ATP2B1: variants seen among roughly 807,000 people sequenced by gnomAD.
ATP2B1 encodes the protein ATPase plasma membrane Ca2+ transporting 1.
A neutral mutation model predicts 124.2 loss-of-function variants in ATP2B1; 14 were observed. That is an observed-to-expected ratio of 0.11 (90% CI 0.07 to 0.18). The LOEUF (loss-of-function observed/expected upper bound fraction) is 0.18. Among genes scored for constraint, ATP2B1 ranks in the 10% least tolerant of loss-of-function variants. The pLI, the probability that ATP2B1 is intolerant of heterozygous loss-of-function variation, is 1.00. For missense variants in ATP2B1, 763 were observed against 1,466.1 expected (o/e 0.52, Z 7.83); for synonymous variants, 449 against 492.4 (o/e 0.91, Z 1.17).
At position 89,601,314 on chromosome 12, in the gene ATP2B1, T is replaced by C; in HGVS notation, c.3168+12A>G. 2 of 1,526,326 alleles carry C rather than the reference T, an allele frequency of 1.3e-6. No individual in the cohort carries two copies. Among genetic ancestry groups the C allele is most frequent in the South Asian group, 2.5e-5 (2 of 79,880 alleles). The allele number at this position is 1,526,326 out of a possible 1,614,324, so 94.5% of individuals were successfully genotyped here. On this transcript the variant is annotated intron_variant, in intron 19 of 20. Coordinates refer to ENST00000428670, the MANE Select transcript of ATP2B1 (RefSeq NM_001366521.1). ...CACTTTAGGTTTAAACAAAAACTGA[T>C]GAAATTTTTACCTGGCCCCAGAGTA...
intron 6 of ATP2B1, among the ~76,000 whole-genome samples, chr12:89,629,521 A>G (rs1881507563): frequency 6.6e-6 from 1 of 152,240 alleles, no homozygotes; most frequent in Non-Finnish European, 1.5e-5. Flanking sequence ...ATCTGCGTCC[A>G]GAATTTTTCA....
chr12:89,666,575 C>A (rs748593429), intron 1 of ATP2B1, among the ~76,000 whole-genome samples: 8 of 152,156 alleles, frequency 5.3e-5, no homozygotes, highest in Non-Finnish European at 7.4e-5. Context: ...CAATGGTCAG[C>A]GACTCCAGTT....
At chr12:89,636,572 T>C (rs1882748268) in intron 3 of ATP2B1, among the ~76,000 whole-genome samples, 1 of 152,118 alleles carries the variant, frequency 6.6e-6, no homozygotes, top group Non-Finnish European at 1.5e-5. Context: ...AAGAAAAGAA[T>C]GAGTAAATAA....
chr12:89,627,284 C>G (rs1464453305), intron 7 of ATP2B1, among the ~76,000 whole-genome samples: 1 of 151,314 alleles, frequency 6.6e-6, no homozygotes, highest in Non-Finnish European at 1.5e-5. Context: ...ACAAAATTAC[C>G]ATCAGGCAAT....
At chr12:89,618,353 G>T (rs1480803098) in intron 11 of ATP2B1, among the ~76,000 whole-genome samples, 1 of 152,206 alleles carries the variant, frequency 6.6e-6, no homozygotes, top group African/African-American at 2.4e-5. Flanking sequence ...GTGCCACAGA[G>T]TTGGTGGTCA....
chr12:89,645,552 A>C lies in ATP2B1; in HGVS notation c.209-3197T>G, dbSNP rs1884315161. 2.6e-5 allele frequency among the ~76,000 whole-genome samples: 4 copies of C among 152,288 alleles called. No homozygotes were observed. In the South Asian group the frequency reaches 8.3e-4, roughly 32 times the overall value. ...TTAGTGGGCTACATTAGCCTTTCTA[A>C]GGAGCTAACATTTGGCTTCTGTCTG... is the stretch of plus-strand genomic sequence containing the variant. On this transcript the variant is annotated intron_variant, in intron 2 of 20. Transcript: ENST00000428670.
At chr12:89,610,357 A>G (rs1015508877) in intron 14 of ATP2B1, 64 bp downstream of exon 14, 4 of 1,345,466 alleles carry the variant, frequency 3.0e-6, no homozygotes, top group Non-Finnish European at 3.2e-6. Flanking sequence ...ATCTATTACT[A>G]TTCTGGGAAG....
intron 2 of ATP2B1, among the ~76,000 whole-genome samples, chr12:89,646,335 C>T (rs1173487406): frequency 6.6e-6 from 1 of 152,078 alleles, no homozygotes; most frequent in Admixed American, 6.6e-5. Flanking sequence ...TCTGGAGCCA[C>T]AAGCCCAATG....
At chr12:89,647,192 G>A (rs950476625) in intron 2 of ATP2B1, among the ~76,000 whole-genome samples, 1 of 152,222 alleles carries the variant, frequency 6.6e-6, no homozygotes, top group African/African-American at 2.4e-5. Flanking sequence ...TAATTGTAGT[G>A]TAGTGGCAAT....
At chr12:89,666,302 T>C (rs371689810) in intron 1 of ATP2B1, among the ~76,000 whole-genome samples, 2 of 152,292 alleles carry the variant, frequency 1.3e-5, no homozygotes, top group East Asian at 3.9e-4. Context: ...TCCTTCAAAC[T>C]CTCTGGTTTC....
intron 1 of ATP2B1, among the ~76,000 whole-genome samples, chr12:89,666,472 A>T (rs951599540): frequency 1.3e-5 from 2 of 152,178 alleles, no homozygotes; most frequent in Non-Finnish European, 2.9e-5. Context: ...CTTCACTTCT[A>T]CTGAGTCTTG....
chr12:89,597,894 C>T lies in ATP2B1; in HGVS notation c.3351+1223G>A, dbSNP rs956277728. Among the ~76,000 whole-genome samples, 6 of 151,836 alleles carry T rather than the reference C, an allele frequency of 4.0e-5. No homozygotes were observed. The South Asian group carries it at 8.3e-4, about 21-fold the overall frequency. ...TATACTTTTCCTACTTCTACTGAAA[C>T]TTAACAGAACATTTCTTATCTATGA... On this transcript the variant is annotated intron_variant, in intron 20 of 20. Coordinates refer to ENST00000428670, the MANE Select transcript of ATP2B1 (RefSeq NM_001366521.1).
chr12:89,628,756 G>A (rs1881350726), intron 6 of ATP2B1, among the ~76,000 whole-genome samples: 1 of 152,130 alleles, frequency 6.6e-6, no homozygotes, highest in Non-Finnish European at 1.5e-5. Context: ...GGAAAACATG[G>A]AACAAACATG....
intron 1 of ATP2B1, among the ~76,000 whole-genome samples, chr12:89,673,732 A>C (rs2136548028): frequency 6.6e-6 from 1 of 152,312 alleles, no homozygotes; most frequent in Non-Finnish European, 1.5e-5. Context: ...TCTCCAAGAT[A>C]AGGGCAGCAG....
At chr12:89,692,267 A>G (rs899331595) in intron 1 of ATP2B1, among the ~76,000 whole-genome samples, 8 of 152,156 alleles carry the variant, frequency 5.3e-5, no homozygotes, top group Non-Finnish European at 1.0e-4. Flanking sequence ...TAAGACTCAA[A>G]TTTTTCTATA....
At chr12:89,602,381 C>A (rs1876027721) in intron 18 of ATP2B1, among the ~76,000 whole-genome samples, 1 of 152,144 alleles carries the variant, frequency 6.6e-6, no homozygotes, top group Non-Finnish European at 1.5e-5. Flanking sequence ...ATATTAAAAT[C>A]AAAAATAATT....
At chr12:89,647,799 T>C (rs1884697940) in intron 2 of ATP2B1, among the ~76,000 whole-genome samples, 1 of 152,162 alleles carries the variant, frequency 6.6e-6, no homozygotes, top group African/African-American at 2.4e-5. Context: ...GAATCCTTCA[T>C]GAATGGTTCA....
At chr12:89,604,025 G>C (rs1365316077) in intron 16 of ATP2B1, 100 bp from the exon 17 acceptor site, 1 of 1,413,644 alleles carries the variant, frequency 7.1e-7, no homozygotes, top group Non-Finnish European at 9.6e-7. Flanking sequence ...AACAGAACAG[G>C]ATTATATTTT....
At chr12:89,610,135 A>T in intron 14 of ATP2B1, 92 bp from the exon 15 acceptor site, 1 of 1,149,476 alleles carries the variant, frequency 8.7e-7, no homozygotes, top group Non-Finnish European at 1.2e-6. Flanking sequence ...TATAGACTCA[A>T]GGTTAAAAAT....
Sources: allele counts gnomAD v4.1 joint callset (sites outside exome capture counted in the v4.1 genomes callset), GRCh38; gene constraint gnomAD v4.1.1; transcripts MANE v1.5; gene names NCBI Gene and HGNC (gene_info 2026-07-23, HGNC 2026-07-21).